The following PIGK variants were observed in gnomAD, a reference collection of about 807,000 sequenced individuals.
PIGK encodes phosphatidylinositol glycan anchor biosynthesis class K.
A neutral mutation model predicts 50.6 loss-of-function variants in PIGK; 42 were observed. The observed-to-expected ratio is 0.83, with a 90% CI of 0.65 to 1.07. The LOEUF (loss-of-function observed/expected upper bound fraction) is 1.07, where lower values mean the gene tolerates loss of function less well. Among genes scored for constraint, PIGK ranks in the 50% least tolerant of loss-of-function variants. The probability of loss-of-function intolerance (pLI) is 0.00; values close to 1 mark genes in which losing one functional copy is unlikely to be tolerated. For missense variants in PIGK, 448 were observed against 488.7 expected (o/e 0.92, Z 0.78); for synonymous variants, 151 against 156.0 (o/e 0.97, Z 0.24).
Position 77,124,239 on chromosome 1 carries a change from T to C in PIGK, c.987-1880A>G, listed in dbSNP as rs1171181540. Among the ~76,000 whole-genome samples the C allele has an allele frequency of 2.0e-5, 3 of 151,904 alleles. No homozygotes were observed. The South Asian group carries it at 6.2e-4, about 32-fold the overall frequency. On this transcript the variant is annotated intron_variant, in intron 9 of 10. Coordinates refer to ENST00000370812, the MANE Select transcript of PIGK (RefSeq NM_005482.3). The stretch of plus-strand genomic sequence containing the variant: ...AAAATAAACTAAAGTAAATACTCAT[T>C]GACCAAAAAAAAACACAACTTGCTT...
intron 10 of PIGK, among the ~76,000 whole-genome samples, chr1:77,097,090 A>G (rs1430266945): frequency 6.6e-6 from 1 of 152,006 alleles, no homozygotes; most frequent in Non-Finnish European, 1.5e-5. Context: ...CAGCCATAAA[A>G]AATGATGAGT....
Position 77,174,331 on chromosome 1 carries a change from GA to G in PIGK, c.240-4937del, listed in dbSNP as rs1402868841. 1.2e-4 allele frequency among the ~76,000 whole-genome samples: 19 copies of G among 152,278 alleles called. 1 individual carries two copies. Among genetic ancestry groups the G allele is most frequent in the African/African-American group, 4.3e-4 (18 of 41,548 alleles). On this transcript the variant is annotated intron_variant, in intron 3 of 10. Coordinates refer to ENST00000370812, the MANE Select transcript of PIGK (RefSeq NM_005482.3). The stretch of plus-strand genomic sequence containing the variant: ...GGATATTCAAGCTCTAACAGCCTGG[GA>G]CTCCTTGGGAAAAGCAGAGGAGGCA...
chr1:77,150,243 C>A (rs182486386), intron 9 of PIGK, among the ~76,000 whole-genome samples: 1 of 151,966 alleles, frequency 6.6e-6, no homozygotes, highest in Admixed American at 6.5e-5. Flanking sequence ...TCAGACTGGG[C>A]GCAGTGGCTT....
intron 9 of PIGK, among the ~76,000 whole-genome samples, chr1:77,146,888 A>C (rs2100546337): frequency 6.6e-6 from 1 of 152,106 alleles, no homozygotes; most frequent in East Asian, 1.9e-4. Context: ...AGGATCACCT[A>C]AGCCTGAAAG....
At chr1:77,215,766 A>T (rs1187361335) in intron 1 of PIGK, among the ~76,000 whole-genome samples, 2 of 152,218 alleles carry the variant, frequency 1.3e-5, no homozygotes, top group Non-Finnish European at 2.9e-5. Flanking sequence ...CATAAAAAGA[A>T]TAAAATCCTT....
chr1:77,129,267 A>C (rs754955166), intron 9 of PIGK: 3 of 1,608,594 alleles, frequency 1.9e-6, no homozygotes, highest in South Asian at 2.2e-5. Context: ...GAAAGATGTC[A>C]CTTTACAGAA....
intron 10 of PIGK, among the ~76,000 whole-genome samples, chr1:77,096,181 G>T (rs1185868905): frequency 6.6e-6 from 1 of 152,126 alleles, no homozygotes; most frequent in Non-Finnish European, 1.5e-5. Flanking sequence ...GGAGCTGGAT[G>T]ACATAATTTT....
chr1:77,125,313 C>T (rs1442801113), intron 9 of PIGK, among the ~76,000 whole-genome samples: 1 of 152,116 alleles, frequency 6.6e-6, no homozygotes, highest in African/African-American at 2.4e-5. Flanking sequence ...CATGACAGTT[C>T]ACATCTAAAT....
chr1:77,218,426 T>A (rs1047961762), intron 1 of PIGK, among the ~76,000 whole-genome samples: 1 of 152,088 alleles, frequency 6.6e-6, no homozygotes, highest in Non-Finnish European at 1.5e-5. Flanking sequence ...TTTTAAGAAC[T>A]CAGATCACAA....
intron 1 of PIGK, among the ~76,000 whole-genome samples, chr1:77,217,646 C>T (rs541143339): frequency 4.1e-4 from 62 of 152,190 alleles, no homozygotes; most frequent in African/African-American, 1.3e-3. Context: ...GAAAAAACAA[C>T]GACTCAAGGC....
intron 10 of PIGK, among the ~76,000 whole-genome samples, chr1:77,111,318 T>C (rs56129228): frequency 0.037 from 5,641 of 152,236 alleles, 202 homozygotes; most frequent in South Asian, 0.2. Context: ...ATATGTTTAT[T>C]GTGGCACTAT....
chr1:77,106,513 G>C (rs1653681089), intron 10 of PIGK, among the ~76,000 whole-genome samples: 1 of 151,998 alleles, frequency 6.6e-6, no homozygotes, highest in African/African-American at 2.4e-5. Flanking sequence ...GTCACTTTCA[G>C]TCATGGTAAT....
At chr1:77,124,641 G>A (rs7522221) in intron 9 of PIGK, among the ~76,000 whole-genome samples, 97,455 of 149,938 alleles carry the variant, frequency 0.65, 32,473 homozygotes, top group African/African-American at 0.81. Flanking sequence ...ACACACACAC[G>A]CAGCAACAAA....
intron 9 of PIGK, among the ~76,000 whole-genome samples, chr1:77,153,369 T>C (rs1654935094): frequency 6.6e-6 from 1 of 151,644 alleles, no homozygotes; most frequent in African/African-American, 2.4e-5. Flanking sequence ...GGGAGGAGAA[T>C]GAAGAGAAGT....
chr1:77,172,433 A>G (rs1360639177), intron 3 of PIGK, among the ~76,000 whole-genome samples: 1 of 151,956 alleles, frequency 6.6e-6, no homozygotes, highest in Non-Finnish European at 1.5e-5. Flanking sequence ...GCTGCATTGG[A>G]GTCTCTCTGA....
intron 3 of PIGK, among the ~76,000 whole-genome samples, chr1:77,175,007 G>A (rs1467244470): frequency 6.6e-6 from 1 of 152,058 alleles, no homozygotes; most frequent in African/African-American, 2.4e-5. Context: ...AAGAAAAATA[G>A]GACCTTAAAT....
rs149787429 is a variant in PIGK, at chr1:77,151,141, C to T, written c.986+3308G>A. ...AATTCCACAGCACATTAAAAAAAGA[C>T]CATTCCATCATGATCAAGTGGGATT... is the stretch of plus-strand genomic sequence containing the variant. On this transcript the variant is annotated intron_variant, in intron 9 of 10. Coordinates refer to ENST00000370812, the MANE Select transcript of PIGK (RefSeq NM_005482.3). 2.9e-4 allele frequency among the ~76,000 whole-genome samples: 44 copies of T among 152,094 alleles called. 1 individual carries two copies. In the Middle Eastern group the frequency reaches 0.01, roughly 36 times the overall value.
At chr1:77,202,053 C>CAA (rs79509311) in intron 3 of PIGK, among the ~76,000 whole-genome samples, 4 of 130,056 alleles carry the variant, frequency 3.1e-5, no homozygotes, top group Admixed American at 1.5e-4. Context: ...GTGAGACAAT[C>CAA]AAAAAAAAAA....
chr1:77,215,458 T>C, intron 1 of PIGK, among the ~76,000 whole-genome samples: 1 of 152,154 alleles, frequency 6.6e-6, no homozygotes, highest in East Asian at 1.9e-4. Context: ...GGAATTCTTA[T>C]ACACTGCTGG....
Sources: gnomAD v4.1 joint callset for allele counts (sites outside exome capture counted in the v4.1 genomes callset) on GRCh38, gnomAD v4.1.1 for gene constraint, MANE v1.5 for transcripts, NCBI Gene and HGNC (gene_info 2026-07-23, HGNC 2026-07-21) for gene names.